Variants in CDH13 observed in about 807,000 individuals in gnomAD.
CDH13 encodes the protein cadherin 13, also known as cadherin-13.
A neutral mutation model predicts 63.8 loss-of-function variants in CDH13; 24 were observed. The observed-to-expected ratio is 0.38, with a 90% CI of 0.27 to 0.53. The LOEUF is 0.53. CDH13 is among the 20% of genes least tolerant of loss of function. CDH13 has a pLI of 0.85. For missense variants in CDH13, 1,049 were observed against 903.1 expected (o/e 1.16, Z -2.07); for synonymous variants, 503 against 355.3 (o/e 1.42, Z -4.67).
intron 10 of CDH13, among the ~76,000 whole-genome samples, chr16:83,732,638 C>A (rs1302166941): frequency 1.3e-5 from 2 of 152,306 alleles, no homozygotes; most frequent in Admixed American, 6.5e-5. Context: ...TTCTTCCTGG[C>A]AACTGATGTT....
At chr16:83,663,776 G>C (rs1373803711) in intron 8 of CDH13, among the ~76,000 whole-genome samples, 1 of 152,106 alleles carries the variant, frequency 6.6e-6, no homozygotes, top group Non-Finnish European at 1.5e-5. Context: ...TCCTGTGTGA[G>C]CTACCTCCCA....
At chr16:82,964,768 A>G (rs1907564167) in intron 2 of CDH13, among the ~76,000 whole-genome samples, 2 of 152,260 alleles carry the variant, frequency 1.3e-5, no homozygotes, top group South Asian at 4.1e-4. Flanking sequence ...TATATCCGAC[A>G]GGAAAAATAT....
intron 2 of CDH13, among the ~76,000 whole-genome samples, chr16:82,900,682 G>A (rs2041435927): frequency 6.6e-6 from 1 of 152,210 alleles, no homozygotes; most frequent in Non-Finnish European, 1.5e-5. Context: ...CGAGGAGACG[G>A]GAGGGATGAA....
At chr16:83,120,116 C>G (rs1309960948) in intron 3 of CDH13, among the ~76,000 whole-genome samples, 1 of 150,600 alleles carries the variant, frequency 6.6e-6, no homozygotes, top group African/African-American at 2.5e-5. Flanking sequence ...CAATCAATAC[C>G]TCCAGCAGCC....
chr16:83,042,859 A>C (rs1555569627), intron 3 of CDH13, among the ~76,000 whole-genome samples: 1 of 152,238 alleles, frequency 6.6e-6, no homozygotes, highest in Non-Finnish European at 1.5e-5. Context: ...ATGAATCTGC[A>C]CATTTGCTGT....
chr16:83,331,502 A>G (rs1339165024), intron 5 of CDH13, among the ~76,000 whole-genome samples: 1 of 152,204 alleles, frequency 6.6e-6, no homozygotes, highest in African/African-American at 2.4e-5. Flanking sequence ...CCCATTTGTA[A>G]TAAACTCTAG....
chr16:83,079,976 T>C (rs2033121862), intron 3 of CDH13, among the ~76,000 whole-genome samples: 1 of 152,224 alleles, frequency 6.6e-6, no homozygotes, highest in South Asian at 2.1e-4. Context: ...AGAATGCTTT[T>C]TAAAAGTACT....
chr16:83,723,796 C>A (rs964693694), intron 10 of CDH13, among the ~76,000 whole-genome samples: 1 of 149,534 alleles, frequency 6.7e-6, no homozygotes, highest in Non-Finnish European at 1.5e-5. Flanking sequence ...AGAAGAATGT[C>A]TGACATATAA....
At chr16:83,087,743 C>G (rs1304713636) in intron 3 of CDH13, among the ~76,000 whole-genome samples, 1 of 138,510 alleles carries the variant, frequency 7.2e-6, no homozygotes, top group Non-Finnish European at 1.5e-5. Flanking sequence ...TATTAATGTT[C>G]TCATACTTTC....
chr16:83,001,682 G>T (rs1443856728), intron 2 of CDH13, among the ~76,000 whole-genome samples: 1 of 152,188 alleles, frequency 6.6e-6, no homozygotes, highest in Non-Finnish European at 1.5e-5. Flanking sequence ...TGTCAGAAGG[G>T]GTTCTGTGTG....
intron 6 of CDH13, among the ~76,000 whole-genome samples, chr16:83,351,528 C>A (rs1483574109): frequency 6.6e-6 from 1 of 152,158 alleles, no homozygotes; most frequent in African/African-American, 2.4e-5. Context: ...CTTCACTCCT[C>A]AGGGTCCTAT....
At chr16:82,925,629 G>A (rs904426373) in intron 2 of CDH13, among the ~76,000 whole-genome samples, 10 of 152,162 alleles carry the variant, frequency 6.6e-5, no homozygotes, top group African/African-American at 2.4e-4. Context: ...TGGCCAACCT[G>A]AACACTGCCT....
chr16:82,776,492 C>T (rs1477531478), intron 1 of CDH13, among the ~76,000 whole-genome samples: 2 of 152,064 alleles, frequency 1.3e-5, no homozygotes, highest in Non-Finnish European at 2.9e-5. Flanking sequence ...GTAAATGGGA[C>T]ACAAAGGGAG....
intron 2 of CDH13, among the ~76,000 whole-genome samples, chr16:82,966,201 T>C (rs1019557622): frequency 6.6e-6 from 1 of 152,212 alleles, no homozygotes; most frequent in African/African-American, 2.4e-5. Context: ...CAGGCTGGAG[T>C]GCAGTGGTGC....
intron 6 of CDH13, among the ~76,000 whole-genome samples, chr16:83,454,973 G>T (rs1213400073): frequency 6.6e-6 from 1 of 152,138 alleles, no homozygotes; most frequent in Non-Finnish European, 1.5e-5. Context: ...GCCTCCCAAA[G>T]TGCTGAGATT....
intron 11 of CDH13, among the ~76,000 whole-genome samples, chr16:83,754,382 C>G (rs900968532): frequency 1.3e-5 from 2 of 152,166 alleles, no homozygotes; most frequent in African/African-American, 2.4e-5. Context: ...CCATGCCCAG[C>G]AACAGGAGTA....
intron 1 of CDH13, among the ~76,000 whole-genome samples, chr16:82,633,386 C>CT (rs1192191907): frequency 6.6e-6 from 1 of 152,244 alleles, no homozygotes; most frequent in Non-Finnish European, 1.5e-5. Flanking sequence ...CTGTCACCTA[C>CT]TTTTTTTCTT....
chr16:82,715,670 C>G (rs1168410795), intron 1 of CDH13, among the ~76,000 whole-genome samples: 1 of 152,112 alleles, frequency 6.6e-6, no homozygotes. Flanking sequence ...AAGTGGGTAC[C>G]TGGGAAATAG....
chr16:82,629,327 C>A (rs965824422), intron 1 of CDH13, among the ~76,000 whole-genome samples: 7 of 152,150 alleles, frequency 4.6e-5, no homozygotes, highest in Admixed American at 2.0e-4. Flanking sequence ...TTTCTATTTT[C>A]AATTGTTATG....
Sources: allele counts gnomAD v4.1 joint callset (sites outside exome capture counted in the v4.1 genomes callset), GRCh38; gene constraint gnomAD v4.1.1; transcripts MANE v1.5; gene names NCBI Gene and HGNC (gene_info 2026-07-23, HGNC 2026-07-21).